Variants in ATR observed in about 807,000 individuals in gnomAD.
ATR encodes the protein ATR checkpoint kinase, also known as serine/threonine-protein kinase ATR.
ATR carries 142 observed loss-of-function variants against 305.3 expected under a neutral mutation model. That is an observed-to-expected ratio of 0.47 (90% CI 0.41 to 0.53). ATR has a LOEUF of 0.53. Among genes scored for constraint, ATR ranks in the 20% least tolerant of loss-of-function variants. The pLI is 0.00. For missense variants in ATR, 2,135 were observed against 3,133.1 expected, an observed-to-expected ratio of 0.68 and a Z score of 7.60; for synonymous variants, 1,050 against 1,068.1, an observed-to-expected ratio of 0.98 and a Z score of 0.33.
chr3:142,513,389 T>G (rs2032679466), intron 26 of ATR, 112 bp downstream of exon 26: 4 of 1,245,082 alleles, frequency 3.2e-6, no homozygotes, highest in Non-Finnish European at 3.5e-6. Flanking sequence ...TGAACATACA[T>G]AGCCATACAT....
chr3:142,456,330 G>A (rs1010123936), intron 45 of ATR, among the ~76,000 whole-genome samples: 17 of 152,304 alleles, frequency 1.1e-4, no homozygotes, highest in Non-Finnish European at 2.1e-4. Flanking sequence ...CACTTTGGGA[G>A]GCCAAGGTGG....
chr3:142,477,493 C>T (rs1246896267), intron 36 of ATR, among the ~76,000 whole-genome samples: 1 of 152,138 alleles, frequency 6.6e-6, no homozygotes, highest in East Asian at 1.9e-4. Flanking sequence ...ATTCGGTTTG[C>T]CAGTATTTTA....
At chr3:142,450,276 C>G in intron 46 of ATR, 4 of 764,546 alleles carry the variant, frequency 5.2e-6, no homozygotes, top group Non-Finnish European at 9.1e-6. Context: ...TTCCCTTTTG[C>G]AGTTGCAAAC....
At chr3:142,496,278 C>CTATATATATATA (rs6148111) in intron 34 of ATR, 83 bp downstream of exon 34, 1 of 113,692 alleles carries the variant, frequency 8.8e-6, no homozygotes, top group Non-Finnish European at 1.5e-5. Context: ...TAATTCCCGA[C>CTATATATATATA]TATATATATA....
At position 142,578,699 on chromosome 3, in the gene ATR, C is replaced by A. The variant is rs143306360; in HGVS notation, c.6G>T (p.Gly2=). The change falls in exon 1 of 47, where the codon GGG becomes GGT. Residue 2 remains glycine, a synonymous_variant. Transcript: ENST00000350721. ...TGGAAGCCAGCTCCAGGCCATGTTCCCCCATGCTGAGGCTGCGAGGCACTA... is the reference window on the plus strand; with the variant it reads ...TGGAAGCCAGCTCCAGGCCATGTTCACCCATGCTGAGGCTGCGAGGCACTA... M[G]EHGLELASMI... The A allele has an allele frequency of 1.2e-4, 200 of 1,613,122 alleles. No individual in the cohort carries two copies. Among genetic ancestry groups the A allele is most frequent in the Non-Finnish European group, 1.6e-4 (191 of 1,179,776 alleles).
intron 36 of ATR, among the ~76,000 whole-genome samples, chr3:142,481,312 T>C (rs1024205296): frequency 6.6e-6 from 1 of 152,250 alleles, no homozygotes; most frequent in African/African-American, 2.4e-5. Flanking sequence ...GAGATGATCA[T>C]ATGGTTTTTG....
Position 142,556,635 on chromosome 3 carries a change from T to G in ATR, c.1886-60A>C, listed in dbSNP as rs367855232. 8.0e-5 allele frequency: 114 copies of G among 1,431,230 alleles called. No individual in the cohort carries two copies. In the East Asian group the frequency reaches 1.1e-3, roughly 14 times the overall value. 88.7% of individuals were successfully genotyped at this position (1,431,230 alleles called of 1,614,324 possible). A position where few individuals can be genotyped will look rare whatever the true frequency, so the allele number is the denominator to read the frequency against. On this transcript the variant is annotated intron_variant, in intron 8 of 46. Transcript: ENST00000350721. ...CTAATGTTAATTTTATGTATACACATATACATATATATAAGTAAAGTAACA... is the reference window on the plus strand; with the variant it reads ...CTAATGTTAATTTTATGTATACACAGATACATATATATAAGTAAAGTAACA...
At chr3:142,577,732 T>C (rs2035486749) in intron 1 of ATR, among the ~76,000 whole-genome samples, 1 of 152,234 alleles carries the variant, frequency 6.6e-6, no homozygotes, top group South Asian at 2.1e-4. Context: ...AAGCAGTTAT[T>C]CCAAATGATA....
chr3:142,492,925 G>A (rs1004341599), intron 35 of ATR, among the ~76,000 whole-genome samples: 8 of 152,148 alleles, frequency 5.3e-5, no homozygotes, highest in Admixed American at 4.6e-4. Flanking sequence ...GGGTAGTGGG[G>A]TTATAGAGCT....
At chr3:142,527,803 T>C (rs2033458754) in intron 21 of ATR, among the ~76,000 whole-genome samples, 1 of 152,226 alleles carries the variant, frequency 6.6e-6, no homozygotes, top group Admixed American at 6.5e-5. Context: ...ATATCACAAG[T>C]GCAACCATCA....
In ATR at chr3:142,572,372, C is replaced by CTTTTTTTTTTT. The variant is rs11318957; in HGVS notation, c.60-4229_60-4219dup. Among the ~76,000 whole-genome samples the CTTTTTTTTTTT allele has an allele frequency of 3.0e-4, 17 of 56,810 alleles. 1 individual carries two copies. The highest frequency in any genetic ancestry group is 7.3e-4 in the South Asian group (1 of 1,362). The allele number at this position is 56,810 out of a possible 152,430, so 37.3% of individuals were successfully genotyped here. On this transcript the variant is annotated intron_variant, in intron 1 of 46. Transcript: ENST00000350721. ...GCGTGAGCCACCACGCCCGGCCTGACTTTTTTTTTTTTTTTTTTTTTTTTT... is the reference window on the plus strand; with the variant it reads ...GCGTGAGCCACCACGCCCGGCCTGACTTTTTTTTTTTTTTTTTTTTTTTTTTTTTTTTTTTT...
rs528273167 is a variant in ATR at position 142,515,608 on chromosome 3, T to C, written c.4383-93A>G. The C allele has an allele frequency of 1.9e-5, 26 of 1,347,428 alleles. No individual in the cohort carries two copies. In the African/African-American group the frequency reaches 3.5e-4, roughly 18 times the overall value. 83.5% of individuals were successfully genotyped at this position (1,347,428 alleles called of 1,614,324 possible). On this transcript the variant is annotated intron_variant, in intron 24 of 46. Coordinates refer to ENST00000350721, the MANE Select transcript of ATR (RefSeq NM_001184.4). ...CAACTCCTTCAGTTGACTACCTCAG[T>C]ACTGCCTTGCCTTTACTGCAATCTG...
intron 4 of ATR, 106 bp downstream of exon 4, chr3:142,562,126 A>T: frequency 8.4e-7 from 1 of 1,184,356 alleles, no homozygotes; most frequent in Non-Finnish European, 1.2e-6. Context: ...AATATAAATT[A>T]CTATTAAAGA....
rs771838121 is a variant in ATR at position 142,457,564 on chromosome 3, G to A, written c.7655+40C>T. 20 of 1,610,308 alleles carry A rather than the reference G, an allele frequency of 1.2e-5. No individual in the cohort carries two copies. The Middle Eastern group carries it at 4.9e-4, about 40-fold the overall frequency. Reference sequence around the variant, plus strand: ...TATGTAGGGGCCAATAATTATATTCGAGGTTACTGTTAAATTATTTACAAA... The same window carrying A: ...TATGTAGGGGCCAATAATTATATTCAAGGTTACTGTTAAATTATTTACAAA... On this transcript the variant is annotated intron_variant, in intron 45 of 46. Transcript: ENST00000350721.
intron 3 of ATR, among the ~76,000 whole-genome samples, chr3:142,563,807 T>G (rs1457905523): frequency 6.6e-6 from 1 of 152,200 alleles, no homozygotes; most frequent in Non-Finnish European, 1.5e-5. Context: ...ACAACCAACT[T>G]GTTAAAACAA....
chr3:142,452,131 T>A, intron 46 of ATR: 1 of 1,019,230 alleles, frequency 9.8e-7, no homozygotes, highest in Non-Finnish European at 1.2e-6. Flanking sequence ...ACCTTCTTTC[T>A]CAAGACAAAG....
intron 42 of ATR, among the ~76,000 whole-genome samples, chr3:142,461,252 TA>T (rs1417861999): frequency 6.6e-6 from 1 of 152,180 alleles, no homozygotes; most frequent in Non-Finnish European, 1.5e-5. Context: ...TAGCATCCAT[TA>T]ATAATCACTG....
chr3:142,498,867 A>C, intron 31 of ATR, 93 bp from the exon 32 acceptor site: 3 of 1,263,956 alleles, frequency 2.4e-6, no homozygotes, highest in Non-Finnish European at 3.4e-6. Context: ...CTGAAATATC[A>C]AACAGGTGGC....
rs1418161331 is a variant in ATR, at chr3:142,499,612, A to G, written c.5380+15T>C. ...CCCATCCTAAAACTGCTTATATTTT[A>G]AGAAGTAATTTTACCTGCTGCCAAA... On this transcript the variant is annotated intron_variant, in intron 31 of 46. Transcript: ENST00000350721. 1 of 1,612,098 alleles carries G rather than the reference A, an allele frequency of 6.2e-7. No individual in the cohort carries two copies. Among genetic ancestry groups the G allele is most frequent in the Admixed American group, 1.7e-5 (1 of 60,024 alleles).
Sources: gnomAD v4.1 joint callset for allele counts (sites outside exome capture counted in the v4.1 genomes callset) on GRCh38, gnomAD v4.1.1 for gene constraint, MANE v1.5 for transcripts, NCBI Gene and HGNC (gene_info 2026-07-23, HGNC 2026-07-21) for gene names.